Variants in AKT3 observed in about 807,000 individuals in gnomAD.
AKT3 encodes AKT serine/threonine kinase 3.
AKT3 carries 15 observed loss-of-function variants against 65.3 expected under a neutral mutation model. The ratio of observed to expected loss-of-function variants is 0.23; its 90% CI spans 0.15 to 0.35. The LOEUF is 0.35. Among genes scored for constraint, AKT3 ranks in the 10% least tolerant of loss-of-function variants. The pLI is 1.00. For synonymous variants in AKT3, 206 were observed against 183.8 expected, an observed-to-expected ratio of 1.12 and a Z score of -0.98; for missense variants, 243 against 576.5, an observed-to-expected ratio of 0.42 and a Z score of 5.92.
At chr1:243,641,519 A>C (rs1195816600) in intron 5 of AKT3, among the ~76,000 whole-genome samples, 2 of 152,058 alleles carry the variant, frequency 1.3e-5, no homozygotes, top group Non-Finnish European at 2.9e-5. Context: ...TAAATATCAT[A>C]GAAAATGAAA....
At chr1:243,645,784 T>C in intron 5 of AKT3, 109 bp downstream of exon 5, 3 of 1,121,144 alleles carry the variant, frequency 2.7e-6, no homozygotes, top group South Asian at 1.7e-5. Flanking sequence ...CACCAATATA[T>C]TTACATATCG....
chr1:243,758,064 T>C (rs907017769), intron 2 of AKT3, among the ~76,000 whole-genome samples: 1 of 152,166 alleles, frequency 6.6e-6, no homozygotes, highest in African/African-American at 2.4e-5. Context: ...CACCCAGCTA[T>C]CTAATTAACA....
At chr1:243,515,262 C>A (rs771883738) in intron 12 of AKT3, among the ~76,000 whole-genome samples, 1 of 152,254 alleles carries the variant, frequency 6.6e-6, no homozygotes, top group East Asian at 1.9e-4. Context: ...TTTATGTCCA[C>A]GTCTTTGTGT....
chr1:243,629,014 C>T (rs1396952058), intron 6 of AKT3, among the ~76,000 whole-genome samples: 2 of 152,150 alleles, frequency 1.3e-5, no homozygotes, highest in African/African-American at 2.4e-5. Context: ...TGGTGGCTCA[C>T]GCCTGTAATC....
intron 10 of AKT3, among the ~76,000 whole-genome samples, chr1:243,554,260 T>C (rs534356354): frequency 2.0e-5 from 3 of 152,268 alleles, no homozygotes; most frequent in Non-Finnish European, 4.4e-5. Flanking sequence ...AGCATTTCTA[T>C]TATGAAAAGA....
intron 12 of AKT3, among the ~76,000 whole-genome samples, 162 bp downstream of exon 12, chr1:243,545,348 A>C (rs1222594130): frequency 2.0e-5 from 3 of 152,248 alleles, no homozygotes; most frequent in Admixed American, 6.5e-5. Flanking sequence ...CAAAATCATG[A>C]GTAAAATTTT....
intron 12 of AKT3, among the ~76,000 whole-genome samples, chr1:243,519,110 T>C (rs565001473): frequency 6.6e-6 from 1 of 152,300 alleles, no homozygotes; most frequent in South Asian, 2.1e-4. Context: ...CGACAGACCA[T>C]CCACATCAAT....
intron 9 of AKT3, 138 bp downstream of exon 9, chr1:243,572,788 G>C (rs1235204111): frequency 1.1e-6 from 1 of 949,502 alleles, no homozygotes; most frequent in African/African-American, 1.7e-5. Flanking sequence ...CAAATGTAGT[G>C]AACTAAATTT....
At chr1:243,759,793 A>T (rs1223063402) in intron 2 of AKT3, among the ~76,000 whole-genome samples, 1 of 152,204 alleles carries the variant, frequency 6.6e-6, no homozygotes, top group African/African-American at 2.4e-5. Flanking sequence ...AGAAATTAAA[A>T]TTAAGAAGGA....
chr1:243,591,078 G>T (rs148222153), intron 8 of AKT3, among the ~76,000 whole-genome samples: 1 of 152,252 alleles, frequency 6.6e-6, no homozygotes, highest in East Asian at 1.9e-4. Flanking sequence ...AAGGTATCTA[G>T]AATTCATGAG....
intron 11 of AKT3, among the ~76,000 whole-genome samples, chr1:243,547,833 C>G (rs1672780406): frequency 6.6e-6 from 1 of 152,164 alleles, no homozygotes; most frequent in Admixed American, 6.5e-5. Flanking sequence ...TTCCCACCAG[C>G]TGGGTCTCCA....
chr1:243,839,529 T>C (rs1157398042), intron 2 of AKT3, among the ~76,000 whole-genome samples: 3 of 152,230 alleles, frequency 2.0e-5, no homozygotes, highest in Non-Finnish European at 4.4e-5. Flanking sequence ...ATGTGTTATC[T>C]CAATTAATAC....
At chr1:243,645,828 T>C (rs1031112659) in intron 5 of AKT3, 65 bp downstream of exon 5, 29 of 1,427,386 alleles carry the variant, frequency 2.0e-5, no homozygotes, top group Non-Finnish European at 2.6e-5. Flanking sequence ...CTGCAAATGG[T>C]AGCTTTTAAT....
intron 2 of AKT3, among the ~76,000 whole-genome samples, chr1:243,733,557 A>C (rs532877650): frequency 1.3e-5 from 2 of 152,334 alleles, no homozygotes; most frequent in East Asian, 3.9e-4. Context: ...AATAAGTATA[A>C]GCTAACAATC....
chr1:243,776,167 T>A (rs981469016), intron 2 of AKT3, among the ~76,000 whole-genome samples: 1 of 152,152 alleles, frequency 6.6e-6, no homozygotes, highest in Non-Finnish European at 1.5e-5. Flanking sequence ...ATCACCAAAT[T>A]AGTTCTAATT....
At chr1:243,605,777 A>C (rs1351866963) in intron 8 of AKT3, among the ~76,000 whole-genome samples, 2 of 152,212 alleles carry the variant, frequency 1.3e-5, no homozygotes, top group South Asian at 4.1e-4. Context: ...ATATGGCCTG[A>C]GAAACTTGCT....
chr1:243,586,812 C>T (rs982327350), intron 8 of AKT3, among the ~76,000 whole-genome samples: 2 of 151,624 alleles, frequency 1.3e-5, no homozygotes, highest in Non-Finnish European at 2.9e-5. Context: ...GTATGCCAAA[C>T]CTCAGCATCA....
chr1:243,630,474 A>T (rs183568715), intron 6 of AKT3, among the ~76,000 whole-genome samples: 2 of 152,338 alleles, frequency 1.3e-5, no homozygotes, highest in Admixed American at 1.3e-4. Flanking sequence ...GAGAAATTGG[A>T]AGAAATAAAA....
At chr1:243,826,068 G>T (rs1694147657) in intron 2 of AKT3, among the ~76,000 whole-genome samples, 1 of 151,824 alleles carries the variant, frequency 6.6e-6, no homozygotes, top group Non-Finnish European at 1.5e-5. Flanking sequence ...GGAGACAAAG[G>T]TTACACTGAG....
Sources: allele counts gnomAD v4.1 joint callset (sites outside exome capture counted in the v4.1 genomes callset), GRCh38; gene constraint gnomAD v4.1.1; transcripts MANE v1.5; gene names NCBI Gene and HGNC (gene_info 2026-07-23, HGNC 2026-07-21).